Variants in NCOR2 observed in about 807,000 individuals in gnomAD.
NCOR2 encodes the protein nuclear receptor corepressor 2, also known as CTG repeat protein 26.
A neutral mutation model predicts 262.9 loss-of-function variants in NCOR2; 81 were observed. The ratio of observed to expected loss-of-function variants is 0.31; its 90% CI spans 0.26 to 0.37. NCOR2 has a LOEUF of 0.37. Ranked by LOEUF, NCOR2 falls within the 10% of genes least tolerant of loss-of-function variation. NCOR2 has a pLI of 1.00. For missense variants in NCOR2, 3,385 were observed against 3,621.4 expected, an observed-to-expected ratio of 0.93 and a Z score of 1.68; for synonymous variants, 1,659 against 1,559.3, an observed-to-expected ratio of 1.06 and a Z score of -1.51.
chr12:124,449,690 C>G, intron 7 of NCOR2, 125 bp downstream of exon 9: 7 of 1,186,474 alleles, frequency 5.9e-6, no homozygotes, highest in Non-Finnish European at 6.0e-6. Flanking sequence ...CCGGGAGCAC[C>G]TGGCCCTGGC....
chr12:124,428,087 G>GTGTGTGTGTGTGTGTGTGTGTGTA (rs1382558223), intron 10 of NCOR2, among the ~76,000 whole-genome samples: 2 of 145,278 alleles, frequency 1.4e-5, no homozygotes, highest in Non-Finnish European at 3.1e-5. Flanking sequence ...GTGTGTGTGT[G>GTGTGTGTGTGTGTGTGTGTGTGTA]TACATGCAAC....
At chr12:124,362,084 C>T (rs772852927) in intron 22 of NCOR2, 42 bp downstream of exon 24, 63 of 1,261,962 alleles carry the variant, frequency 5.0e-5, no homozygotes, top group Non-Finnish European at 6.0e-5. Flanking sequence ...CCCGTCAGTC[C>T]CCTGCTGCCC....
intron 17 of NCOR2, among the ~76,000 whole-genome samples, chr12:124,384,946 A>G (rs1445115637): frequency 2.6e-5 from 4 of 151,976 alleles, no homozygotes; most frequent in African/African-American, 9.7e-5. Context: ...GCATATCGCA[A>G]TTCAGTCGCA....
intron 9 of NCOR2, 21 bp downstream of exon 11, chr12:124,430,594 C>G: frequency 6.3e-7 from 1 of 1,593,456 alleles, no homozygotes; most frequent in Non-Finnish European, 8.6e-7. Context: ...GTCGGGGGCC[C>G]TGGGCTCAGG....
chr12:124,489,803 T>G (rs2047983236), intron 1 of NCOR2, among the ~76,000 whole-genome samples: 3 of 149,572 alleles, frequency 2.0e-5, no homozygotes, highest in South Asian at 2.1e-4. Flanking sequence ...TGGGGAGGAG[T>G]GGCTGGGGGC....
At chr12:124,363,750 C>A in exon 21 of NCOR2, 2 of 1,391,876 alleles carry the variant, frequency 1.4e-6, no homozygotes, top group Non-Finnish European at 9.4e-7. Flanking sequence ...GAGGCATTGG[C>A]CCGGGGGTCG....
intron 27 of NCOR2, among the ~76,000 whole-genome samples, chr12:124,351,618 C>T (rs543939821): frequency 1.3e-5 from 2 of 152,288 alleles, no homozygotes; most frequent in East Asian, 3.9e-4. Context: ...GGGCAGCATC[C>T]TGCCTTGGGT....
chr12:124,425,531 C>T (rs2043486026), intron 11 of NCOR2, among the ~76,000 whole-genome samples: 1 of 151,868 alleles, frequency 6.6e-6, no homozygotes, highest in African/African-American at 2.4e-5. Flanking sequence ...AGATTAGATT[C>T]CCCGGAATTA....
At position 124,454,264 on chromosome 12, in the gene NCOR2, C is replaced by T. The variant is rs2045716365; in HGVS notation, c.762+2842G>A. On this transcript the variant is annotated intron_variant, in intron 6 of 46. Transcript: ENST00000405201. This position sits in a 1 kb window ranked among gnomAD's most constrained non-coding sequence, Gnocchi z 5.6. ...ATGGGACGGCAACAGCTCTGTGAGG[C>T]GTCCTCCCTGTCCCCACTGACTGGC... Among the ~76,000 whole-genome samples, 2 of 152,192 alleles carry T rather than the reference C, an allele frequency of 1.3e-5. No individual in the cohort carries two copies. Among genetic ancestry groups the T allele is most frequent in the South Asian group, 2.1e-4 (1 of 4,832 alleles).
At chr12:124,438,095 C>T (rs1477240111) in intron 7 of NCOR2, 99 bp from the exon 10 acceptor site, 18 of 1,180,802 alleles carry the variant, frequency 1.5e-5, no homozygotes, top group Non-Finnish European at 1.9e-5. Context: ...AAATTTGCCC[C>T]GTTATTGGTT....
At chr12:124,325,408 G>T (rs1226395306) in exon 47 of NCOR2, 1 of 495,030 alleles carries the variant, frequency 2.0e-6, no homozygotes, top group Non-Finnish European at 2.7e-6. Flanking sequence ...TGAGTCACTC[G>T]CTGTCGGAGA....
intron 6 of NCOR2, among the ~76,000 whole-genome samples, chr12:124,455,239 T>C (rs2136540402): frequency 6.6e-6 from 1 of 152,236 alleles, no homozygotes; most frequent in Admixed American, 6.5e-5. Context: ...GCGTGTGAAT[T>C]GTACCTCAAT....
chr12:124,550,266 A>G (rs1237088840), intron 1 of NCOR2, among the ~76,000 whole-genome samples: 1 of 152,200 alleles, frequency 6.6e-6, no homozygotes, highest in African/African-American at 2.4e-5. Flanking sequence ...GCCTCCCTGC[A>G]GGACACATTC....
At chr12:124,333,990 A>ATG (rs373456001) in intron 41 of NCOR2, among the ~76,000 whole-genome samples, 4 of 148,728 alleles carry the variant, frequency 2.7e-5, no homozygotes, top group East Asian at 2.0e-4. Context: ...GCGGGTGTGC[A>ATG]TGTGTGTGTG....
At chr12:124,429,591 C>T in intron 10 of NCOR2, 22 bp downstream of exon 12, 1 of 1,578,576 alleles carries the variant, frequency 6.3e-7, no homozygotes, top group Non-Finnish European at 8.6e-7. Context: ...GAGCTGAGGC[C>T]AGAGTCAGGG....
chr12:124,326,389 G>A lies in NCOR2; in HGVS notation c.7184-19C>T, dbSNP rs2034639279. ...CCGCCACCTGCAGGGGGACAAGATG[G>A]GAAGGGGCTGCGTTGGGCAGTGAAG... On this transcript the variant is annotated intron_variant, in intron 45 of 46. Coordinates refer to ENST00000405201, the Ensembl canonical transcript of NCOR2. 1.3e-6 allele frequency: 2 copies of A among 1,482,270 alleles called. No individual in the cohort carries two copies. Among genetic ancestry groups the A allele is most frequent in the African/African-American group, 1.4e-5 (1 of 69,560 alleles). 91.8% of individuals were successfully genotyped at this position (1,482,270 alleles called of 1,614,324 possible). A position where few individuals can be genotyped will look rare whatever the true frequency, so the allele number is the denominator to read the frequency against.
intron 31 of NCOR2, among the ~76,000 whole-genome samples, 163 bp downstream of exon 33, chr12:124,346,401 G>A (rs1593150327): frequency 1.3e-5 from 2 of 152,292 alleles, no homozygotes; most frequent in Middle Eastern, 3.4e-3. Context: ...GCGCAGCCCT[G>A]GAACACGCAC....
rs1470491703 is a variant in NCOR2, at chr12:124,454,189, G to C, written c.762+2917C>G. ...AGCACACCTCCACGCCTCATCTCTT[G>C]CTGTGTGGCCCGGCACAAGGCACTC... is the stretch of plus-strand genomic sequence containing the variant. On this transcript the variant is annotated intron_variant, in intron 6 of 46. Transcript: ENST00000405201. This position sits in a 1 kb window ranked among gnomAD's most constrained non-coding sequence, Gnocchi z 5.6. 2.0e-5 allele frequency among the ~76,000 whole-genome samples: 3 copies of C among 152,148 alleles called. No homozygotes were observed. Among genetic ancestry groups the C allele is most frequent in the Non-Finnish European group, 4.4e-5 (3 of 68,014 alleles).
intron 22 of NCOR2, among the ~76,000 whole-genome samples, chr12:124,359,526 T>C (rs2038342180): frequency 6.6e-6 from 1 of 152,208 alleles, no homozygotes; most frequent in South Asian, 2.1e-4. Flanking sequence ...TGCAGGGGAA[T>C]TCTCATTCTT....
Sources: gnomAD v4.1 joint callset for allele counts (sites outside exome capture counted in the v4.1 genomes callset) on GRCh38, gnomAD v4.1.1 for gene constraint, Gnocchi (gnomAD v3.1) non-coding constraint, MANE v1.5 for transcripts, NCBI Gene and HGNC (gene_info 2026-07-23, HGNC 2026-07-21) for gene names.